NDUFV3: variants seen among roughly 807,000 people sequenced by gnomAD.
The protein encoded by NDUFV3 is NADH dehydrogenase [ubiquinone] flavoprotein 3, mitochondrial.
Under a neutral mutation model 37.5 loss-of-function variants are expected in NDUFV3, and 44 were observed. The observed-to-expected ratio is 1.17, with a 90% CI of 0.92 to 1.51. The LOEUF (loss-of-function observed/expected upper bound fraction) is 1.51. NDUFV3 is among the 40% of genes most tolerant of loss of function. The pLI is 0.00. For synonymous variants in NDUFV3, 235 were observed against 239.3 expected (o/e 0.98, Z 0.17); for missense variants, 580 against 580.4 (o/e 1.00, Z 0.01).
chr21:42,895,311 C>T (rs544968098), intron 1 of NDUFV3, among the ~76,000 whole-genome samples: 16 of 152,152 alleles, frequency 1.1e-4, no homozygotes, highest in African/African-American at 3.6e-4. Flanking sequence ...GGTGAAACCC[C>T]GTCTCTACTA....
intron 3 of NDUFV3, among the ~76,000 whole-genome samples, chr21:42,908,083 G>A (rs2058749842): frequency 6.6e-6 from 1 of 151,738 alleles, no homozygotes; most frequent in African/African-American, 2.4e-5. Context: ...GAGGCGGGCA[G>A]ATCACTTGAG....
rs975349931 is a variant in NDUFV3, at chr21:42,911,767, C to A, written c.*2746C>A. 2.0e-5 allele frequency: 3 copies of A among 152,124 alleles called. No individual in the cohort carries two copies. Among genetic ancestry groups the A allele is most frequent in the Admixed American group, 1.3e-4 (2 of 15,266 alleles). The allele number at this position is 152,124 out of a possible 1,614,324, so 9.4% of individuals were successfully genotyped here. ...TGTAACCATTTTAATGTACCTACAA[C>A]TTTTCTATCCTGCTATTTGCATTTT... is the stretch of plus-strand genomic sequence containing the variant. On this transcript the variant is annotated 3_prime_UTR_variant, in exon 4 of 4. Coordinates refer to ENST00000354250, the MANE Select transcript of NDUFV3 (RefSeq NM_021075.4).
Position 42,896,913 on chromosome 21 carries a change from A to G in NDUFV3, c.49-14A>G. 6.2e-7 allele frequency: 1 copy of G among 1,608,814 alleles called. No homozygotes were observed. The highest frequency in any genetic ancestry group is 8.5e-7 in the Non-Finnish European group (1 of 1,175,446). On this transcript the variant is annotated splice_polypyrimidine_tract_variant and intron_variant, in intron 1 of 3. Coordinates refer to ENST00000354250, the MANE Select transcript of NDUFV3 (RefSeq NM_021075.4). ...ATTACTCTAAACATCCATATTCATT[A>G]ATTCTTTTGTCAGACTATGCTCCAG...
intron 3 of NDUFV3, 71 bp downstream of exon 3, chr21:42,904,347 T>A: frequency 6.5e-7 from 1 of 1,542,192 alleles, no homozygotes; most frequent in Non-Finnish European, 8.8e-7. Context: ...CTAATTTACA[T>A]ATGCTTGTAG....
chr21:42,893,638 C>G (rs544321687), intron 1 of NDUFV3, among the ~76,000 whole-genome samples: 2 of 152,182 alleles, frequency 1.3e-5, no homozygotes, highest in African/African-American at 4.8e-5. Context: ...GCTGGCGTGC[C>G]CCGTGCCGAC....
chr21:42,908,536 G>A (rs750864749), intron 3 of NDUFV3, among the ~76,000 whole-genome samples: 9 of 151,902 alleles, frequency 5.9e-5, no homozygotes, highest in Non-Finnish European at 1.2e-4. Flanking sequence ...TCACAGATAG[G>A]TTGATGAAGA....
chr21:42,894,360 T>TAA lies in NDUFV3; in HGVS notation c.48+979_48+980insAA, dbSNP rs1491183558. Among the ~76,000 whole-genome samples, 13 of 26,000 alleles carry TAA rather than the reference T, an allele frequency of 5.0e-4. 2 individuals carry two copies. In the African/African-American group the frequency reaches 7.8e-3, roughly 16 times the overall value. 17.1% of individuals were successfully genotyped at this position (26,000 alleles called of 152,430 possible). A position where few individuals can be genotyped will look rare whatever the true frequency, so the allele number is the denominator to read the frequency against. On this transcript the variant is annotated intron_variant, in intron 1 of 3. Coordinates refer to ENST00000354250, the MANE Select transcript of NDUFV3 (RefSeq NM_021075.4). ...TATATATATTATATATAAATATATATTATATATATATTTATATAATATGTA... is the reference window on the plus strand; with the variant it reads ...TATATATATTATATATAAATATATATAATATATATATATTTATATAATATGTA...
Position 42,909,029 on chromosome 21 carries a change from C to T in NDUFV3, c.*8C>T, listed in dbSNP as rs374485925. On this transcript the variant is annotated 3_prime_UTR_variant, in exon 4 of 4. Coordinates refer to ENST00000354250, the MANE Select transcript of NDUFV3 (RefSeq NM_021075.4). Reference sequence around the variant, plus strand: ...GAGTCACCTCGACACTGAGGGCCCTCGGTGTGAAGATGAACCTTCCACCGT... The same window carrying T: ...GAGTCACCTCGACACTGAGGGCCCTTGGTGTGAAGATGAACCTTCCACCGT... 84 of 1,612,712 alleles carry T rather than the reference C, an allele frequency of 5.2e-5. No individual in the cohort carries two copies. Among genetic ancestry groups the T allele is most frequent in the Non-Finnish European group, 6.2e-5 (73 of 1,179,724 alleles).
chr21:42,903,624 A>G lies in NDUFV3; in HGVS notation c.612A>G (p.Ser204=). ...ACAGAGCCCCCCGAGTTACAGTATC[A>G]GCAAAAGAGAAAACCTTGCTGCAGA... ...FENRAPRVTV[S]AKEKTLLQKP... The change falls in exon 3 of 4, where the codon TCA becomes TCG. Residue 204 remains serine, a synonymous_variant. Coordinates refer to ENST00000354250, the MANE Select transcript of NDUFV3 (RefSeq NM_021075.4). 6.2e-7 allele frequency: 1 copy of G among 1,614,064 alleles called. No homozygotes were observed.
At chr21:42,894,050 T>TA (rs1244544110) in intron 1 of NDUFV3, among the ~76,000 whole-genome samples, 1 of 151,222 alleles carries the variant, frequency 6.6e-6, no homozygotes, top group Non-Finnish European at 1.5e-5. Context: ...ACCCCGTCTC[T>TA]AAAAAATACA....
chr21:42,904,038 G>T lies in NDUFV3; in HGVS notation c.1026G>T (p.Gln342His). 6.2e-7 allele frequency: 1 copy of T among 1,614,172 alleles called. No individual in the cohort carries two copies. Among genetic ancestry groups the T allele is most frequent in the Non-Finnish European group, 8.5e-7 (1 of 1,180,020 alleles). ...GHLEKPVPEP[Q>H]RKAAPPLPRK... ...TGGAAAAACCCGTGCCAGAGCCCCA[G>T]CGCAAGGCGGCCCCTCCCCTGCCCA... Residue 342 changes from glutamine to histidine, a missense_variant, in exon 3 of 4, where the codon CAG becomes CAT. Transcript: ENST00000354250.
Position 42,903,226 on chromosome 21 carries a change from A to G in NDUFV3, c.214A>G (p.Thr72Ala). ...GAGGGGCAAGCTCCTAGCCACCCAGACAGCAGCTGAATTGTCTAAAAACTT... is the reference window on the plus strand; with the variant it reads ...GAGGGGCAAGCTCCTAGCCACCCAGGCAGCAGCTGAATTGTCTAAAAACTT... Reference protein sequence around the residue: ...KERGKLLATQTAAELSKNLSS... With the variant: ...KERGKLLATQAAAELSKNLSS... Residue 72 changes from threonine to alanine, a missense_variant, in exon 3 of 4, where the codon ACA becomes GCA. Coordinates refer to ENST00000354250, the MANE Select transcript of NDUFV3 (RefSeq NM_021075.4). 6.2e-7 allele frequency: 1 copy of G among 1,614,192 alleles called. No homozygotes were observed. The highest frequency in any genetic ancestry group is 8.5e-7 in the Non-Finnish European group (1 of 1,180,032).
chr21:42,906,084 G>A (rs1354932951), intron 3 of NDUFV3, among the ~76,000 whole-genome samples: 3 of 151,596 alleles, frequency 2.0e-5, no homozygotes, highest in Middle Eastern at 3.4e-3. Context: ...GGTTGGTCTC[G>A]AACTCCTGAC....
chr21:42,894,327 A>ATT lies in NDUFV3; in HGVS notation c.48+947_48+948insTT, dbSNP rs1478946980. Among the ~76,000 whole-genome samples the ATT allele has an allele frequency of 2.7e-3, 139 of 52,010 alleles. 48 individuals are homozygous for ATT. Among genetic ancestry groups the ATT allele is most frequent in the African/African-American group, 0.02 (131 of 6,590 alleles). 34.1% of individuals were successfully genotyped at this position (52,010 alleles called of 152,430 possible). A position where few individuals can be genotyped will look rare whatever the true frequency, so the allele number is the denominator to read the frequency against. On this transcript the variant is annotated intron_variant, in intron 1 of 3. Coordinates refer to ENST00000354250, the MANE Select transcript of NDUFV3 (RefSeq NM_021075.4). ...TGCGTGTGTGTATATATATATATAA[A>ATT]TACATATTATATATATTATATATAA...
At chr21:42,903,130 T>A in intron 2 of NDUFV3, 52 bp from the exon 3 acceptor site, 4 of 1,609,256 alleles carry the variant, frequency 2.5e-6, no homozygotes, top group South Asian at 2.2e-5. Flanking sequence ...TAATTTTGAC[T>A]GAGTTTTAAG....
chr21:42,896,121 C>G (rs1248972981), intron 1 of NDUFV3, among the ~76,000 whole-genome samples: 1 of 149,208 alleles, frequency 6.7e-6, no homozygotes, highest in Admixed American at 6.7e-5. Context: ...GTACCTGGAA[C>G]TACAGGCATG....
intron 1 of NDUFV3, among the ~76,000 whole-genome samples, chr21:42,893,590 C>T (rs1328417272): frequency 6.6e-6 from 1 of 152,174 alleles, no homozygotes; most frequent in Non-Finnish European, 1.5e-5. Context: ...TTCCCCCGAG[C>T]CGGTCCGCCG....
chr21:42,906,787 G>A (rs759191376), intron 3 of NDUFV3: 17 of 492,896 alleles, frequency 3.4e-5, no homozygotes, highest in Non-Finnish European at 6.4e-5. Flanking sequence ...CCCACGTCTT[G>A]GTCAGTTATC....
chr21:42,902,924 C>T (rs1448587383), intron 2 of NDUFV3, among the ~76,000 whole-genome samples: 3 of 151,986 alleles, frequency 2.0e-5, no homozygotes, highest in African/African-American at 7.2e-5. Flanking sequence ...AATGTAAATG[C>T]CATGTAAATA....
Sources: gnomAD v4.1 joint callset for allele counts (sites outside exome capture counted in the v4.1 genomes callset) on GRCh38, gnomAD v4.1.1 for gene constraint, MANE v1.5 for transcripts, NCBI Gene and HGNC (gene_info 2026-07-23, HGNC 2026-07-21) for gene names.